The following PLCB4 variants were observed in gnomAD, a reference collection of about 807,000 sequenced individuals.
The protein encoded by PLCB4 is 1-phosphatidylinositol 4,5-bisphosphate phosphodiesterase beta-4.
A neutral mutation model predicts 178.8 loss-of-function variants in PLCB4; 77 were observed. That is an observed-to-expected ratio of 0.43 (90% CI 0.36 to 0.52). PLCB4 has a LOEUF of 0.52. PLCB4 is among the 20% of genes least tolerant of loss of function. The probability of loss-of-function intolerance (pLI) is 0.00; values close to 1 mark genes in which losing one functional copy is unlikely to be tolerated. For synonymous variants in PLCB4, 496 were observed against 490.8 expected, an observed-to-expected ratio of 1.01 and a Z score of -0.14; for missense variants, 1,024 against 1,453.4, an observed-to-expected ratio of 0.70 and a Z score of 4.80.
intron 4 of PLCB4, 36 bp from the exon 5 acceptor site, chr20:9,337,090 G>T: frequency 7.5e-7 from 1 of 1,332,610 alleles, no homozygotes; most frequent in Non-Finnish European, 1.1e-6. Flanking sequence ...TCAAAATGGT[G>T]TGAGTCATGA....
At chr20:9,228,978 T>C (rs115495946) in intron 3 of PLCB4, among the ~76,000 whole-genome samples, 1,796 of 152,340 alleles carry the variant, frequency 0.012, 43 homozygotes, top group African/African-American at 0.041. Context: ...TTGGTCTTCA[T>C]GGTTTGGCAG....
At chr20:9,416,811 A>C (rs1046239835) in intron 25 of PLCB4, among the ~76,000 whole-genome samples, 2 of 152,218 alleles carry the variant, frequency 1.3e-5, no homozygotes, top group Non-Finnish European at 2.9e-5. Context: ...TATATTCTTG[A>C]TAAAAAATCA....
chr20:9,266,407 T>C (rs1322771560), intron 3 of PLCB4, among the ~76,000 whole-genome samples: 1 of 152,246 alleles, frequency 6.6e-6, no homozygotes, highest in Non-Finnish European at 1.5e-5. Flanking sequence ...ACTTTTGTAA[T>C]GTGTACCTAT....
chr20:9,241,194 C>G (rs535549428), intron 3 of PLCB4, among the ~76,000 whole-genome samples: 1 of 152,118 alleles, frequency 6.6e-6, no homozygotes, highest in Admixed American at 6.6e-5. Flanking sequence ...TCTCTGATTT[C>G]TTTGTTACCA....
chr20:9,139,285 A>G (rs2092441556), intron 2 of PLCB4, among the ~76,000 whole-genome samples: 1 of 151,944 alleles, frequency 6.6e-6, no homozygotes, highest in South Asian at 2.1e-4. Context: ...AGTGCCTTTC[A>G]TGAGTCTGGG....
At chr20:9,311,646 C>A (rs2094835613) in intron 4 of PLCB4, among the ~76,000 whole-genome samples, 2 of 152,144 alleles carry the variant, frequency 1.3e-5, no homozygotes, top group Admixed American at 6.5e-5. Flanking sequence ...AAGAAAACTT[C>A]AAAATTCAAG....
At chr20:9,289,565 T>G (rs984967301) in intron 3 of PLCB4, among the ~76,000 whole-genome samples, 6 of 152,118 alleles carry the variant, frequency 3.9e-5, no homozygotes, top group Non-Finnish European at 7.4e-5. Flanking sequence ...GGACATCTCC[T>G]TTATTGAAGC....
At chr20:9,337,066 C>T in intron 4 of PLCB4, 60 bp from the exon 5 acceptor site, 1 of 1,072,862 alleles carries the variant, frequency 9.3e-7, no homozygotes, top group Non-Finnish European at 1.5e-6. Context: ...GCAATATTTT[C>T]ATTTTTATTA....
intron 3 of PLCB4, among the ~76,000 whole-genome samples, chr20:9,228,729 G>A (rs1248647742): frequency 6.6e-6 from 1 of 152,184 alleles, no homozygotes; most frequent in African/African-American, 2.4e-5. Context: ...AGCACTGAGT[G>A]AAACACTTCA....
At chr20:9,140,075 T>G (rs2092457291) in intron 2 of PLCB4, among the ~76,000 whole-genome samples, 1 of 152,078 alleles carries the variant, frequency 6.6e-6, no homozygotes, top group Non-Finnish European at 1.5e-5. Context: ...ATTCTCTCCC[T>G]CATTTTTCAG....
intron 3 of PLCB4, among the ~76,000 whole-genome samples, chr20:9,272,178 C>A (rs538834037): frequency 1.4e-5 from 2 of 147,010 alleles, no homozygotes; most frequent in East Asian, 4.3e-4. Context: ...ACCCTGCCCA[C>A]GCACCCCCCT....
intron 38 of PLCB4, 62 bp downstream of exon 38, chr20:9,473,427 C>A: frequency 1.1e-6 from 1 of 903,084 alleles, no homozygotes; most frequent in Non-Finnish European, 1.8e-6. Flanking sequence ...ATACACATGC[C>A]ATGGCCCACA....
intron 2 of PLCB4, among the ~76,000 whole-genome samples, chr20:9,187,447 C>T (rs1415614740): frequency 6.6e-5 from 10 of 152,162 alleles, no homozygotes; most frequent in Admixed American, 2.0e-4. Context: ...CTTCTGTTTT[C>T]GTGGTGTGCG....
intron 1 of PLCB4, among the ~76,000 whole-genome samples, chr20:9,085,630 G>A (rs1041605490): frequency 1.3e-5 from 2 of 152,134 alleles, no homozygotes; most frequent in Non-Finnish European, 2.9e-5. Context: ...ATATAAGGCA[G>A]CATAAGTGGG....
chr20:9,165,170 A>G (rs6086797), intron 2 of PLCB4, among the ~76,000 whole-genome samples: 21,149 of 152,224 alleles, frequency 0.14, 1,788 homozygotes, highest in Non-Finnish European at 0.19. Flanking sequence ...GCCAAGGTTC[A>G]AAACAAAAAG....
chr20:9,119,792 C>A (rs541328173), intron 2 of PLCB4, among the ~76,000 whole-genome samples: 8 of 152,320 alleles, frequency 5.3e-5, no homozygotes, highest in Middle Eastern at 3.4e-3. Context: ...TATAACTCAT[C>A]TTGTAATGTT....
chr20:9,144,405 A>C (rs2092553930), intron 2 of PLCB4, among the ~76,000 whole-genome samples: 1 of 152,074 alleles, frequency 6.6e-6, no homozygotes, highest in African/African-American at 2.4e-5. Flanking sequence ...CATAAGCAGC[A>C]GATTACACCT....
intron 36 of PLCB4, 75 bp from the exon 37 acceptor site, chr20:9,472,715 A>C (rs893918150): frequency 1.3e-6 from 1 of 788,762 alleles, no homozygotes; most frequent in Non-Finnish European, 2.1e-6. Flanking sequence ...GATGGAATAT[A>C]GCTCTTTATT....
Position 9,457,489 on chromosome 20 carries a change from G to A in PLCB4, c.3072G>A (p.Lys1024=). Residue 1024 remains lysine, a splice_region_variant and synonymous_variant, in exon 34 of 40, where the codon AAG becomes AAA. Coordinates refer to ENST00000378473, the MANE Select transcript of PLCB4 (RefSeq NM_001377142.1). ...IQTLTSDHKS[K]VKEIVAQHTK... ...CGCTGACATCAGATCACAAATCTAAGGTAAGAAAATGCCCATTTTTACAGC... is the reference window on the plus strand; with the variant it reads ...CGCTGACATCAGATCACAAATCTAAAGTAAGAAAATGCCCATTTTTACAGC... 6.8e-7 allele frequency: 1 copy of A among 1,462,238 alleles called. No individual in the cohort carries two copies. Among genetic ancestry groups the A allele is most frequent in the East Asian group, 2.3e-5 (1 of 44,194 alleles). The allele number at this position is 1,462,238 out of a possible 1,614,324, so 90.6% of individuals were successfully genotyped here.
Sources: allele counts gnomAD v4.1 joint callset (sites outside exome capture counted in the v4.1 genomes callset), GRCh38; gene constraint gnomAD v4.1.1; transcripts MANE v1.5; gene names NCBI Gene and HGNC (gene_info 2026-07-23, HGNC 2026-07-21).